Variants in MST1R observed in about 807,000 individuals in gnomAD.
MST1R encodes macrophage stimulating 1 receptor, also known as macrophage-stimulating protein receptor.
In MST1R, 99 loss-of-function variants were observed where a neutral mutation model predicts 117.8. The observed-to-expected ratio is 0.84, with a 90% CI of 0.71 to 0.99. The LOEUF is 0.99. Among genes scored for constraint, MST1R ranks in the 50% least tolerant of loss-of-function variants. The pLI is 0.00. For synonymous variants in MST1R, 734 were observed against 765.3 expected (o/e 0.96, Z 0.68); for missense variants, 1,683 against 1,840.2 (o/e 0.91, Z 1.56).
chr3:49,900,589 G>A (rs1283853730), intron 1 of MST1R, among the ~76,000 whole-genome samples: 1 of 152,200 alleles, frequency 6.6e-6, no homozygotes, highest in Non-Finnish European at 1.5e-5. Flanking sequence ...CATACACCTT[G>A]TGCCTACAGC....
rs776047479 is a variant in MST1R, at chr3:49,902,685, G to A, written c.925C>T (p.Arg309Trp). The A allele has an allele frequency of 3.1e-6, 5 of 1,613,322 alleles. No individual in the cohort carries two copies. Among genetic ancestry groups the A allele is most frequent in the East Asian group, 2.2e-5 (1 of 44,904 alleles). The change falls in exon 1 of 20, where the codon CGG (arginine) becomes TGG (tryptophan). Residue 309 changes from arginine to tryptophan, a missense_variant. By Grantham distance (101) the Arg-to-Trp change is moderately radical. Coordinates refer to ENST00000296474, the MANE Select transcript of MST1R (RefSeq NM_002447.4). ...GGCTGTCCGCCTTCTGGGGCCCCCC[G>A]GCGCCTGCGTTTTGGAGCAAATCTG... Reference protein sequence around the residue: ...DCRFAPKRRRRGAPEGGQPYP... With the variant: ...DCRFAPKRRRWGAPEGGQPYP...
rs947959928 is a variant in MST1R, at chr3:49,898,620, T to C, written c.1617A>G (p.Ala539=). The C allele has an allele frequency of 1.2e-5, 20 of 1,614,084 alleles. No homozygotes were observed. Among genetic ancestry groups the C allele is most frequent in the Non-Finnish European group, 1.7e-5 (20 of 1,180,060 alleles). ...ACCAGCCACAGCCCATGAAATGCCA[T>C]GCCCTTAGGCAACGCCCACAGGTCA... is the stretch of plus-strand genomic sequence containing the variant. ...HFLTCGRCLR[A]WHFMGCGWCG... Residue 539 remains alanine, a synonymous_variant, in exon 4 of 20, where the codon GCA becomes GCG. Transcript: ENST00000296474.
Position 49,896,895 on chromosome 3 carries a change from A to G in MST1R, c.2184-5T>C, listed in dbSNP as rs539187561. 4.7e-6 allele frequency: 7 copies of G among 1,493,004 alleles called. No homozygotes were observed. Among genetic ancestry groups the G allele is most frequent in the Non-Finnish European group, 6.3e-6 (7 of 1,118,456 alleles). 92.5% of individuals were successfully genotyped at this position (1,493,004 alleles called of 1,614,324 possible). On this transcript the variant is annotated splice_polypyrimidine_tract_variant and splice_region_variant and intron_variant, in intron 7 of 19. Coordinates refer to ENST00000296474, the MANE Select transcript of MST1R (RefSeq NM_002447.4). ...AAAAGCTGCCCCTCACTGACCCTAC[A>G]GGAACAAGAGATTGGGCTCAAGGTT...
At chr3:49,890,261 G>T (rs1311492719) in intron 18 of MST1R, among the ~76,000 whole-genome samples, 1 of 152,174 alleles carries the variant, frequency 6.6e-6, no homozygotes, top group Non-Finnish European at 1.5e-5. Flanking sequence ...TTGGGGCTGG[G>T]CAGGCCCTGG....
Position 49,897,533 on chromosome 3 carries a change from C to T in MST1R, c.2033G>A (p.Gly678Asp), listed in dbSNP as rs778635013. The T allele has an allele frequency of 1.2e-6, 2 of 1,613,648 alleles. No homozygotes were observed. Among genetic ancestry groups the T allele is most frequent in the Non-Finnish European group, 1.7e-6 (2 of 1,179,774 alleles). The part of the protein sequence containing the change: ...FRVDGTSVLR[G>D]FSFMEPVLIA... ...AGGTAGCCTCACCATGAAAGAGAAG[C>T]CTCTCAGCACGGAGGTGCCGTCTAC... Residue 678 changes from glycine (G) to aspartate (D), a missense_variant, in exon 6 of 20, where the codon GGC (glycine) becomes GAC (aspartate). Transcript: ENST00000296474.
rs2082259223 is a variant in MST1R, at chr3:49,889,755, C to CTGCA, written c.3947+165_3947+168dup. Among the ~76,000 whole-genome samples, 3 of 152,124 alleles carry CTGCA rather than the reference C, an allele frequency of 2.0e-5. No individual in the cohort carries two copies. The South Asian group carries it at 6.2e-4, about 32-fold the overall frequency. On this transcript the variant is annotated intron_variant, in intron 19 of 19. Transcript: ENST00000296474. Reference sequence around the variant, plus strand: ...TGTGAGGTCCTCCCAGGGTCCTACTCTGCATGAGGGTGGGACCAGTTCACA... The same window carrying CTGCA: ...TGTGAGGTCCTCCCAGGGTCCTACTCTGCATGCATGAGGGTGGGACCAGTTCACA...
Position 49,903,511 on chromosome 3 carries a change from G to C in MST1R, c.99C>G (p.Pro33=), listed in dbSNP as rs367738328. 7 of 1,608,586 alleles carry C rather than the reference G, an allele frequency of 4.4e-6. No individual in the cohort carries two copies. Among genetic ancestry groups the C allele is most frequent in the Non-Finnish European group, 5.9e-6 (7 of 1,179,834 alleles). The change falls in exon 1 of 20, where the codon CCC becomes CCG. Residue 33 remains proline (P), a synonymous_variant. Transcript: ENST00000296474. ...AGEDWQCPRT[P]YAASRDFDVK... is the part of the protein sequence containing the mutation. ...CGTCAAAGTCGCGAGAGGCCGCGTA[G>C]GGGGTGCGCGGGCACTGCCAGTCCT...
At chr3:49,889,485 G>T (rs1199753028) in intron 19 of MST1R, among the ~76,000 whole-genome samples, 1 of 152,186 alleles carries the variant, frequency 6.6e-6, no homozygotes, top group Non-Finnish European at 1.5e-5. Context: ...AGGCACTGAG[G>T]ACAATGCAGC....
Position 49,890,548 on chromosome 3 carries a change from T to C in MST1R, c.3747A>G (p.Leu1249=), listed in dbSNP as rs146278360. The C allele has an allele frequency of 7.4e-5, 119 of 1,614,138 alleles. 2 individuals are homozygous for C. The highest frequency in any genetic ancestry group is 7.2e-4 in the South Asian group (66 of 91,084). The stretch of plus-strand genomic sequence containing the variant: ...TCTCCAGCGCCATCCACTTCACAGG[T>C]AGGCGAGCGTGGCGATGCTGTTGAA... ...YSVQQHRHAR[L]PVKWMALESL... is the part of the protein sequence containing the mutation. The change falls in exon 18 of 20, where the codon CTA becomes CTG. Residue 1249 remains leucine, a synonymous_variant. Transcript: ENST00000296474.
intron 4 of MST1R, 96 bp from the exon 5 acceptor site, chr3:49,898,307 C>T (rs2082551667): frequency 6.5e-7 from 1 of 1,527,272 alleles, no homozygotes; most frequent in Non-Finnish European, 9.0e-7. Flanking sequence ...CCTTGCCTTC[C>T]CCACGCTCCA....
chr3:49,902,908 C>G lies in MST1R; in HGVS notation c.702G>C (p.Ala234=), dbSNP rs376406092. 2 of 1,613,518 alleles carry G rather than the reference C, an allele frequency of 1.2e-6. No homozygotes were observed. The highest frequency in any genetic ancestry group is 1.7e-6 in the Non-Finnish European group (2 of 1,180,046). ...CAAGATGCTTGGGCAGCACTGACAA[C>G]GCCACAAAGCCCGGTGCGAATCCCG... is the stretch of plus-strand genomic sequence containing the variant. ...DASGFAPGFV[A]LSVLPKHLVS... Residue 234 remains alanine, a synonymous_variant, in exon 1 of 20, where the codon GCG becomes GCC. Coordinates refer to ENST00000296474, the MANE Select transcript of MST1R (RefSeq NM_002447.4).
chr3:49,902,803 C>T lies in MST1R; in HGVS notation c.807G>A (p.Val269=). The T allele has an allele frequency of 6.2e-7, 1 of 1,613,896 alleles. No individual in the cohort carries two copies. The highest frequency in any genetic ancestry group is 8.5e-7 in the Non-Finnish European group (1 of 1,180,048). ...VYFLTVQPAS[V]TDDPSALHTR... ...TGTGCAGGGCACTAGGATCATCTGT[C>T]ACGCTGGCCGGCTGTACAGTCAGGA... Residue 269 remains valine (V), a synonymous_variant, in exon 1 of 20, where the codon GTG becomes GTA. Transcript: ENST00000296474.
rs150736542 is a variant in MST1R, at chr3:49,902,684, C to T, written c.926G>A (p.Arg309Gln). 138 of 1,613,282 alleles carry T rather than the reference C, an allele frequency of 8.6e-5. No homozygotes were observed. The highest frequency in any genetic ancestry group is 8.3e-5 in the Admixed American group (5 of 60,006). ...DCRFAPKRRR[R>Q]GAPEGGQPYP... ...GGGCTGTCCGCCTTCTGGGGCCCCC[C>T]GGCGCCTGCGTTTTGGAGCAAATCT... The change falls in exon 1 of 20, where the codon CGG becomes CAG. Residue 309 changes from arginine to glutamine, a missense_variant. Physicochemically the swap from Arg to Gln is conservative, Grantham distance 43. Transcript: ENST00000296474.
At chr3:49,900,142 T>C (rs919927643) in intron 1 of MST1R, among the ~76,000 whole-genome samples, 4 of 152,142 alleles carry the variant, frequency 2.6e-5, no homozygotes, top group African/African-American at 9.7e-5. Context: ...CTCCCTAGAC[T>C]CCAAAGGTCT....
chr3:49,898,719 G>A, intron 3 of MST1R, 31 bp from the exon 4 acceptor site: 1 of 1,612,316 alleles, frequency 6.2e-7, no homozygotes, highest in East Asian at 2.2e-5. Context: ...ACTCAGGGGT[G>A]CCTGGAGGGA....
chr3:49,896,551 C>G lies in MST1R; in HGVS notation c.2428G>C (p.Val810Leu), dbSNP rs1194943794. The change falls in exon 9 of 20, where the codon GTG becomes CTG. Residue 810 changes from valine to leucine, a missense_variant. Val to Leu is a conservative substitution (Grantham distance 32, BLOSUM62 1). Coordinates refer to ENST00000296474, the MANE Select transcript of MST1R (RefSeq NM_002447.4). ...CAGCACTCACTCACCCTGCTTTCCA[C>G]TGCCCTAAGCCCGTCATGGAATGAC... ...VLSFHDGLRAVESRCERQLPE... is the reference protein window; with the variant it reads ...VLSFHDGLRALESRCERQLPE... The G allele has an allele frequency of 6.2e-7, 1 of 1,614,196 alleles. No individual in the cohort carries two copies. The highest frequency in any genetic ancestry group is 8.5e-7 in the Non-Finnish European group (1 of 1,180,020).
Position 49,898,942 on chromosome 3 carries a change from C to T in MST1R, c.1473G>A (p.Leu491=), listed in dbSNP as rs745334003. 21 of 1,614,072 alleles carry T rather than the reference C, an allele frequency of 1.3e-5. No individual in the cohort carries two copies. Among genetic ancestry groups the T allele is most frequent in the Non-Finnish European group, 1.8e-5 (21 of 1,180,046 alleles). ...GCTGCACGGGCTGCCCACTGTCACC[C>T]AGTGAGAAGTTGGACACATACAGCA... ...NYLLYVSNFS[L]GDSGQPVQRD... Residue 491 remains leucine (L), a synonymous_variant, in exon 3 of 20, where the codon CTG becomes CTA. Transcript: ENST00000296474.
intron 1 of MST1R, among the ~76,000 whole-genome samples, chr3:49,900,425 T>C (rs890060228): frequency 6.6e-6 from 1 of 152,060 alleles, no homozygotes; most frequent in African/African-American, 2.4e-5. Context: ...CCTAGGTGCT[T>C]AGGACTCTCT....
At chr3:49,889,881 C>T in intron 19 of MST1R, 43 bp downstream of exon 19, 1 of 1,612,222 alleles carries the variant, frequency 6.2e-7, no homozygotes, top group Non-Finnish European at 8.5e-7. Flanking sequence ...TTCCATGTCT[C>T]TGGGGCCCAG....
Sources: allele counts gnomAD v4.1 joint callset (sites outside exome capture counted in the v4.1 genomes callset), GRCh38; gene constraint gnomAD v4.1.1; transcripts MANE v1.5; gene names NCBI Gene and HGNC (gene_info 2026-07-23, HGNC 2026-07-21).